Variants in NR1I3 observed in about 807,000 individuals in gnomAD.
NR1I3 encodes nuclear receptor subfamily 1 group I member 3.
In NR1I3, 30 loss-of-function variants were observed where a neutral mutation model predicts 38.4. That is an observed-to-expected ratio of 0.78 (90% CI 0.58 to 1.06). The LOEUF is 1.06. Among genes scored for constraint, NR1I3 ranks in the 50% least tolerant of loss-of-function variants. NR1I3 has a pLI of 0.00. For synonymous variants in NR1I3, 143 were observed against 165.1 expected, an observed-to-expected ratio of 0.87 and a Z score of 1.03; for missense variants, 388 against 435.7, an observed-to-expected ratio of 0.89 and a Z score of 0.97.
rs756304664 is a variant in NR1I3, at chr1:161,229,865, C to T, written c.979G>A (p.Gly327Arg). The T allele has an allele frequency of 3.7e-6, 6 of 1,614,150 alleles. No homozygotes were observed. Among genetic ancestry groups the T allele is most frequent in the Admixed American group, 1.7e-5 (1 of 60,006 alleles). The change falls in exon 9 of 9, where the codon GGG becomes AGG. Residue 327 changes from glycine to arginine, a missense_variant. Transcript: ENST00000367983. ...CCCTGGATGTGCTGGATTTGGTACC[C>T]GTAGGCCTCATTAATGCTCCGGAGC... Reference protein sequence around the residue: ...AELRSINEAYGYQIQHIQGLS... With the variant: ...AELRSINEAYRYQIQHIQGLS...
intron 8 of NR1I3, 96 bp downstream of exon 8, chr1:161,230,717 G>T (rs1421357698): frequency 6.5e-7 from 1 of 1,547,202 alleles, no homozygotes; most frequent in Non-Finnish European, 8.8e-7. Context: ...ATTCCCTAAG[G>T]AAAGGACAGT....
intron 8 of NR1I3, chr1:161,230,420 A>C: frequency 2.6e-6 from 1 of 390,662 alleles, no homozygotes; most frequent in Non-Finnish European, 4.6e-6. Context: ...TTCAAGGGAA[A>C]TGAGAAATCG....
intron 3 of NR1I3, chr1:161,235,256 G>GTTTCTTTTT (rs1327197737): frequency 3.7e-5 from 3 of 80,148 alleles, no homozygotes; most frequent in African/African-American, 6.3e-5. Context: ...TGCGCTTGGT[G>GTTTCTTTTT]TTTTTTTTTT....
Position 161,229,678 on chromosome 1 carries a change from T to C in NR1I3, c.*119A>G. 1 of 1,613,992 alleles carries C rather than the reference T, an allele frequency of 6.2e-7. No individual in the cohort carries two copies. Among genetic ancestry groups the C allele is most frequent in the South Asian group, 1.1e-5 (1 of 91,078 alleles). ...CATGAAGAGGCAGTTATTGCTTTAG[T>C]CTTTCATTGCAACCACTGGGCTCCC... On this transcript the variant is annotated 3_prime_UTR_variant, in exon 9 of 9. Transcript: ENST00000367983.
chr1:161,235,749 AAG>A, intron 3 of NR1I3, 96 bp downstream of exon 3: 1 of 1,502,634 alleles, frequency 6.7e-7, no homozygotes, highest in Non-Finnish European at 9.1e-7. Context: ...TAGTTTCAAA[AAG>A]AGTACTGTGC....
At chr1:161,230,694 C>T in intron 8 of NR1I3, 119 bp downstream of exon 8, 1 of 1,387,340 alleles carries the variant, frequency 7.2e-7, no homozygotes, top group Non-Finnish European at 1.0e-6. Context: ...GGACTAGACC[C>T]CACGATACCT....
In NR1I3 at chr1:161,233,015, T is replaced by C. The variant is rs1667703194; in HGVS notation, c.409-69A>G. 2.5e-6 allele frequency: 4 copies of C among 1,598,984 alleles called. No homozygotes were observed. The South Asian group carries it at 3.3e-5, about 13-fold the overall frequency. On this transcript the variant is annotated intron_variant, in intron 4 of 8. Coordinates refer to ENST00000367983, the MANE Select transcript of NR1I3 (RefSeq NM_005122.5). ...CCTCCTTTAGGCCTCGCCAGCCTTA[T>C]CTTGGAAGAGTTCCTTGCTGAGAAG...
In NR1I3 at chr1:161,233,225, G is replaced by A; in HGVS notation, c.352C>T (p.Leu118=). ...KEQEELIRTL[L]GAHTRHMGTM... ...CCCATGTGGCGGGTGTGGGCCCCCA[G>A]GAGTGTCCGGATCAGCTCTTCTTGC... The change falls in exon 4 of 9, where the codon CTG becomes TTG. Residue 118 remains leucine (L), a synonymous_variant. Transcript: ENST00000367983. The A allele has an allele frequency of 6.2e-7, 1 of 1,614,152 alleles. No homozygotes were observed. The highest frequency in any genetic ancestry group is 8.5e-7 in the Non-Finnish European group (1 of 1,180,012).
At chr1:161,233,957 GTGTATA>G (rs1668022131) in intron 3 of NR1I3, among the ~76,000 whole-genome samples, 2 of 144,264 alleles carry the variant, frequency 1.4e-5, no homozygotes, top group Non-Finnish European at 3.1e-5. Context: ...GTGTATATAT[GTGTATA>G]TATATGTGTA....
chr1:161,236,445 G>C lies in NR1I3; in HGVS notation c.107+14C>G. 6.2e-7 allele frequency: 1 copy of C among 1,614,042 alleles called. No homozygotes were observed. Among genetic ancestry groups the C allele is most frequent in the Non-Finnish European group, 8.5e-7 (1 of 1,179,968 alleles). On this transcript the variant is annotated intron_variant, in intron 2 of 8. Coordinates refer to ENST00000367983, the MANE Select transcript of NR1I3 (RefSeq NM_005122.5). Reference sequence around the variant, plus strand: ...GGTTTGGAGGGCTATTTCCATTGGGGAGGAGACTCTCACCTGAAGAAACCC... The same window carrying C: ...GGTTTGGAGGGCTATTTCCATTGGGCAGGAGACTCTCACCTGAAGAAACCC...
chr1:161,236,147 A>C (rs973103838), intron 2 of NR1I3, 170 bp from the exon 3 acceptor site: 3 of 760,348 alleles, frequency 3.9e-6, no homozygotes, highest in South Asian at 3.8e-5. Context: ...TTTCCATGGC[A>C]ACACAGGATC....
rs1666701737 is a variant in NR1I3, at chr1:161,229,858, T to C, written c.986A>G (p.Gln329Arg). ...AGACAGGCCCTGGATGTGCTGGATT[T>C]GGTACCCGTAGGCCTCATTAATGCT... ...LRSINEAYGY[Q>R]IQHIQGLSAM... The change falls in exon 9 of 9, where the codon CAA (glutamine) becomes CGA (arginine). Residue 329 changes from glutamine to arginine, a missense_variant. Gln to Arg is a conservative substitution (Grantham distance 43). Transcript: ENST00000367983. The C allele has an allele frequency of 6.2e-7, 1 of 1,614,192 alleles. No homozygotes were observed.
chr1:161,233,855 G>GTT (rs1451811555), intron 3 of NR1I3, among the ~76,000 whole-genome samples: 4 of 142,580 alleles, frequency 2.8e-5, no homozygotes, highest in Admixed American at 2.1e-4. Context: ...GTGTGTGTGT[G>GTT]TGTGTGTGTG....
In NR1I3 at chr1:161,231,314, C is replaced by G. The variant is rs778305061; in HGVS notation, c.694+15G>C. 9 of 1,592,418 alleles carry G rather than the reference C, an allele frequency of 5.7e-6. No homozygotes were observed. The African/African-American group carries it at 1.1e-4, about 19-fold the overall frequency. ...ATGAGGACACATGCCCCCTATTGCTCTAGCACCATCTCACCACGGGCTCCA... is the reference window on the plus strand; with the variant it reads ...ATGAGGACACATGCCCCCTATTGCTGTAGCACCATCTCACCACGGGCTCCA... On this transcript the variant is annotated intron_variant, in intron 6 of 8. Coordinates refer to ENST00000367983, the MANE Select transcript of NR1I3 (RefSeq NM_005122.5).
At position 161,233,348 on chromosome 1, in the gene NR1I3, G is replaced by T. The variant is rs1267456097; in HGVS notation, c.239-10C>A. The T allele has an allele frequency of 1.2e-6, 2 of 1,611,548 alleles. No individual in the cohort carries two copies. On this transcript the variant is annotated splice_polypyrimidine_tract_variant and intron_variant, in intron 3 of 8. Coordinates refer to ENST00000367983, the MANE Select transcript of NR1I3 (RefSeq NM_005122.5). The stretch of plus-strand genomic sequence containing the variant: ...TCTGCCGACAGTATCACTGTGCCAG[G>T]CAAGAGATCATGACAAAGCTGTTGA...
intron 7 of NR1I3, 55 bp from the exon 8 acceptor site, chr1:161,230,973 G>A: frequency 1.2e-6 from 2 of 1,612,936 alleles, no homozygotes; most frequent in Non-Finnish European, 1.7e-6. Flanking sequence ...GGGCCTGCGT[G>A]GTGCCCCGGG....
At chr1:161,232,753 ATATACAATTTACTGAAGTG>A in intron 5 of NR1I3, 35 bp downstream of exon 5, 2 of 1,569,950 alleles carry the variant, frequency 1.3e-6, no homozygotes, top group Non-Finnish European at 1.8e-6. Flanking sequence ...TTCGGGGTGG[ATATACAATTTACTGAAGTG>A]TTTGCCTCCT....
intron 1 of NR1I3, among the ~76,000 whole-genome samples, chr1:161,237,764 C>A (rs542705572): frequency 6.6e-5 from 10 of 152,062 alleles, no homozygotes; most frequent in African/African-American, 2.4e-4. Context: ...AACAAAAAAA[C>A]AAATTCCTGA....
chr1:161,233,256 A>G lies in NR1I3; in HGVS notation c.321T>C (p.Ser107=), dbSNP rs1277616753. ...RRAQQTPVQL[S]KEQEELIRTL... ...TCCGGATCAGCTCTTCTTGCTCCTT[A>G]CTCAGTTGCACAGGTGTTTGCTGTG... The change falls in exon 4 of 9, where the codon AGT becomes AGC. Residue 107 remains serine, a synonymous_variant. Coordinates refer to ENST00000367983, the MANE Select transcript of NR1I3 (RefSeq NM_005122.5). The G allele has an allele frequency of 6.2e-7, 1 of 1,613,086 alleles. No individual in the cohort carries two copies.
Sources: gnomAD v4.1 joint callset for allele counts (sites outside exome capture counted in the v4.1 genomes callset) on GRCh38, gnomAD v4.1.1 for gene constraint, MANE v1.5 for transcripts, NCBI Gene and HGNC (gene_info 2026-07-23, HGNC 2026-07-21) for gene names.